DCBLD2: variants seen among roughly 807,000 people sequenced by gnomAD.
DCBLD2 encodes discoidin, CUB and LCCL domain-containing protein 2.
A neutral mutation model predicts 86.8 loss-of-function variants in DCBLD2; 54 were observed. The observed-to-expected ratio is 0.62, with a 90% CI of 0.50 to 0.78. The LOEUF is 0.78. Ranked by LOEUF, DCBLD2 falls within the 30% of genes least tolerant of loss-of-function variation. The pLI is 0.00. For missense variants in DCBLD2, 908 were observed against 954.2 expected (o/e 0.95, Z 0.64); for synonymous variants, 354 against 341.3 (o/e 1.04, Z -0.41).
rs1024637588 is a variant in DCBLD2 at position 98,811,129 on chromosome 3, G to T, written c.1576+65C>A. ...ATAAACTGAAGGTTTAAAAATGCCC[G>T]TGAAAACTTCAGTTAAGAACAAAAC... On this transcript the variant is annotated intron_variant, in intron 12 of 15. Transcript: ENST00000326840. 55 of 1,426,344 alleles carry T rather than the reference G, an allele frequency of 3.9e-5. No homozygotes were observed. The South Asian group carries it at 8.5e-4, about 22-fold the overall frequency. 88.4% of individuals were successfully genotyped at this position (1,426,344 alleles called of 1,614,324 possible).
In DCBLD2 at chr3:98,901,434, G is replaced by C; in HGVS notation, c.-108C>G. ...CGGCGGCAGCGGCGGGAGAACAAGAGGCAGCCCTCGCCTCACCCCGCGCCG... is the reference window on the plus strand; with the variant it reads ...CGGCGGCAGCGGCGGGAGAACAAGACGCAGCCCTCGCCTCACCCCGCGCCG... On this transcript the variant is annotated 5_prime_UTR_variant, in exon 1 of 16. Coordinates refer to ENST00000326840, the MANE Select transcript of DCBLD2 (RefSeq NM_080927.4). 1 of 1,143,982 alleles carries C rather than the reference G, an allele frequency of 8.7e-7. No homozygotes were observed. The highest frequency in any genetic ancestry group is 3.6e-5 in the South Asian group (1 of 27,554). The allele number at this position is 1,143,982 out of a possible 1,614,324, so 70.9% of individuals were successfully genotyped here.
chr3:98,862,850 A>G (rs1347697816), intron 2 of DCBLD2, among the ~76,000 whole-genome samples: 2 of 152,218 alleles, frequency 1.3e-5, no homozygotes, highest in East Asian at 1.9e-4. Context: ...TATTTCATAT[A>G]GTATTGGAAG....
At chr3:98,882,237 A>G (rs948745564) in intron 1 of DCBLD2, among the ~76,000 whole-genome samples, 2 of 152,216 alleles carry the variant, frequency 1.3e-5, no homozygotes, top group Admixed American at 6.5e-5. Context: ...AATTCTGAAC[A>G]AATAAAAGTA....
intron 3 of DCBLD2, among the ~76,000 whole-genome samples, chr3:98,840,923 T>C (rs1186835804): frequency 7.9e-5 from 12 of 152,162 alleles, no homozygotes; most frequent in African/African-American, 1.4e-4. Flanking sequence ...CATTTGGGTG[T>C]TGTAGATAAC....
chr3:98,855,829 A>C (rs947241291), intron 2 of DCBLD2, among the ~76,000 whole-genome samples: 1 of 152,208 alleles, frequency 6.6e-6, no homozygotes, highest in Non-Finnish European at 1.5e-5. Flanking sequence ...CTACTTTAGC[A>C]AAGGACTTTA....
At chr3:98,857,518 G>T (rs922716827) in intron 2 of DCBLD2, among the ~76,000 whole-genome samples, 53 of 152,112 alleles carry the variant, frequency 3.5e-4, no homozygotes, top group Non-Finnish European at 6.8e-4. Flanking sequence ...GGTGCTGATT[G>T]GTGCGTTTAC....
At chr3:98,815,159 T>G (rs1941999837) in intron 9 of DCBLD2, 1 of 152,174 alleles carries the variant, frequency 6.6e-6, no homozygotes, top group Admixed American at 6.5e-5. Context: ...GAGTTATCCC[T>G]TAAATCTTCA....
intron 1 of DCBLD2, among the ~76,000 whole-genome samples, chr3:98,889,890 T>A (rs557727427): frequency 2.0e-5 from 3 of 152,156 alleles, no homozygotes; most frequent in African/African-American, 7.2e-5. Flanking sequence ...TCTGCAGTTT[T>A]ACAAGCTTTA....
chr3:98,828,985 G>A (rs1006314475), intron 3 of DCBLD2, among the ~76,000 whole-genome samples: 9 of 152,114 alleles, frequency 5.9e-5, no homozygotes, highest in South Asian at 2.1e-4. Context: ...AAGTAGATTC[G>A]TGGTTTCCTA....
chr3:98,863,463 T>C lies in DCBLD2; in HGVS notation c.434-13865A>G, dbSNP rs141771589. Among the ~76,000 whole-genome samples the C allele has an allele frequency of 9.9e-4, 151 of 152,270 alleles. 1 individual carries two copies. In the East Asian group the frequency reaches 0.016, roughly 17 times the overall value. On this transcript the variant is annotated intron_variant, in intron 2 of 15. Transcript: ENST00000326840. ...CATCAAGCTACTTGACTTCAAACTA[T>C]ACTACAAGGCTACAGTAACCAAAAC...
chr3:98,837,423 CTGACA>C (rs1424292308), intron 3 of DCBLD2, among the ~76,000 whole-genome samples: 1 of 3,536 alleles, frequency 2.8e-4, no homozygotes, highest in African/African-American at 3.0e-4. Flanking sequence ...GGCAGGGGGG[CTGACA>C]CCCCCACCTC....
At chr3:98,867,980 T>A (rs1943188398) in intron 2 of DCBLD2, among the ~76,000 whole-genome samples, 2 of 152,102 alleles carry the variant, frequency 1.3e-5, no homozygotes, top group South Asian at 4.2e-4. Flanking sequence ...TTTTTTTGTA[T>A]TTTCAGTAGA....
At chr3:98,832,614 T>C (rs1408779578) in intron 3 of DCBLD2, among the ~76,000 whole-genome samples, 1 of 152,232 alleles carries the variant, frequency 6.6e-6, no homozygotes, top group Non-Finnish European at 1.5e-5. Context: ...CTTCAAGATG[T>C]CTTGAAAGGT....
At chr3:98,895,865 G>T (rs779156746) in intron 1 of DCBLD2, among the ~76,000 whole-genome samples, 1 of 152,132 alleles carries the variant, frequency 6.6e-6, no homozygotes, top group Non-Finnish European at 1.5e-5. Context: ...ACTATACTGA[G>T]GTACATGCAC....
rs772659369 is a variant in DCBLD2 at position 98,799,646 on chromosome 3, A to G, written c.2054T>C (p.Met685Thr). The change falls in exon 16 of 16, where the codon ATG becomes ACG. Residue 685 changes from methionine to threonine, a missense_variant. Physicochemically the swap from Met to Thr is moderately conservative, Grantham distance 81. Around this residue, in one of 3 missense-constraint regions of DCBLD2, gnomAD observed 606 missense variants for 678.5 expected, o/e 0.89. Transcript: ENST00000326840. ...PEYATPIIMD[M>T]SGHPTTSVGQ... ...AACTGAAGTTGTGGGGTGCCCTGAC[A>G]TGTCCATGATGATTGGGGTTGCATA... 1.9e-6 allele frequency: 3 copies of G among 1,613,962 alleles called. No individual in the cohort carries two copies. In the South Asian group the frequency reaches 3.3e-5, roughly 18 times the overall value.
chr3:98,892,123 A>C (rs912288258), intron 1 of DCBLD2, among the ~76,000 whole-genome samples: 6 of 152,148 alleles, frequency 3.9e-5, no homozygotes, highest in Non-Finnish European at 8.8e-5. Context: ...GGAGTCCAAC[A>C]GACTTAGATT....
At chr3:98,820,836 T>C (rs919512879) in intron 6 of DCBLD2, 1 of 151,160 alleles carries the variant, frequency 6.6e-6, no homozygotes, top group Non-Finnish European at 1.5e-5. Context: ...CTCCTGCCTT[T>C]AGTCCAACAT....
chr3:98,876,178 T>C (rs931299809), intron 2 of DCBLD2, among the ~76,000 whole-genome samples: 23 of 152,000 alleles, frequency 1.5e-4, no homozygotes, highest in African/African-American at 4.8e-4. Context: ...TATAGACTAA[T>C]ATCCCTAAAA....
Position 98,839,085 on chromosome 3 carries a change from C to A in DCBLD2, c.571+10376G>T, listed in dbSNP as rs369995302. Among the ~76,000 whole-genome samples the A allele has an allele frequency of 1.3e-4, 20 of 152,126 alleles. No individual in the cohort carries two copies. The South Asian group carries it at 4.1e-3, about 32-fold the overall frequency. On this transcript the variant is annotated intron_variant, in intron 3 of 15. Transcript: ENST00000326840. Reference sequence around the variant, plus strand: ...GGATCCTGTTGATCTGTGACCTTACCCCCAACCCTGTGCTCCCTTCTTTCT... The same window carrying A: ...GGATCCTGTTGATCTGTGACCTTACACCCAACCCTGTGCTCCCTTCTTTCT...
Sources: gnomAD v4.1 joint callset for allele counts (sites outside exome capture counted in the v4.1 genomes callset) on GRCh38, gnomAD v4.1.1 for gene constraint, gnomAD v4.1.1 regional missense constraint, MANE v1.5 for transcripts, NCBI Gene and HGNC (gene_info 2026-07-23, HGNC 2026-07-21) for gene names.